SYNJ2: variants seen among roughly 807,000 people sequenced by gnomAD.
SYNJ2 encodes the protein polyphosphatidylinositol phosphatase SYNJ2.
A neutral mutation model predicts 141.3 loss-of-function variants in SYNJ2; 116 were observed. The ratio of observed to expected loss-of-function variants is 0.82; its 90% CI spans 0.71 to 0.96. The LOEUF (loss-of-function observed/expected upper bound fraction) is 0.96. Ranked by LOEUF, SYNJ2 falls within the 40% of genes least tolerant of loss-of-function variation. The probability of loss-of-function intolerance (pLI) is 0.00; values close to 1 mark genes in which losing one functional copy is unlikely to be tolerated. For synonymous variants in SYNJ2, 745 were observed against 777.7 expected (o/e 0.96, Z 0.70); for missense variants, 1,873 against 1,934.8 (o/e 0.97, Z 0.60).
chr6:158,017,148 A>G lies in SYNJ2; in HGVS notation c.128-56A>G, dbSNP rs963561821. On this transcript the variant is annotated intron_variant, in intron 1 of 26. Coordinates refer to ENST00000355585, the MANE Select transcript of SYNJ2 (RefSeq NM_003898.4). ...AGCTTGGCAAGCCGGGTGTGAATGA[A>G]CAGGAATGAGCAGGAGACGCTCGCT... 8.2e-6 allele frequency: 13 copies of G among 1,583,878 alleles called. No individual in the cohort carries two copies. The African/African-American group carries it at 1.1e-4, about 13-fold the overall frequency.
chr6:158,051,840 C>T (rs1043985370), intron 5 of SYNJ2, among the ~76,000 whole-genome samples: 2 of 151,490 alleles, frequency 1.3e-5, no homozygotes, highest in South Asian at 2.1e-4. Context: ...CTTGTAGTCC[C>T]GGCAACTTGG....
At chr6:158,015,511 G>T (rs763425917) in intron 1 of SYNJ2, among the ~76,000 whole-genome samples, 14 of 152,166 alleles carry the variant, frequency 9.2e-5, no homozygotes, top group Non-Finnish European at 2.1e-4. Flanking sequence ...CTGAAATGCA[G>T]CATTTCCTCT....
intron 4 of SYNJ2, among the ~76,000 whole-genome samples, chr6:158,037,877 G>T (rs1177111156): frequency 2.6e-5 from 4 of 152,268 alleles, no homozygotes; most frequent in African/African-American, 9.6e-5. Flanking sequence ...CTGTGGCCCT[G>T]TGAGAACTCT....
intron 4 of SYNJ2, among the ~76,000 whole-genome samples, chr6:158,039,440 C>T (rs1472027960): frequency 6.6e-6 from 1 of 152,230 alleles, no homozygotes; most frequent in Non-Finnish European, 1.5e-5. Context: ...GCAGGGGAAC[C>T]TGCCTGGGAC....
chr6:158,032,246 G>A (rs1475139023), intron 3 of SYNJ2, among the ~76,000 whole-genome samples: 4 of 152,190 alleles, frequency 2.6e-5, no homozygotes, highest in Non-Finnish European at 5.9e-5. Context: ...CTGAGAGCAG[G>A]AAGCTTGGAG....
chr6:158,009,279 C>T (rs1034694259), intron 1 of SYNJ2, among the ~76,000 whole-genome samples: 12 of 152,234 alleles, frequency 7.9e-5, no homozygotes, highest in East Asian at 1.9e-4. Flanking sequence ...GAGCAGCGCC[C>T]GCCTCTTCCT....
At chr6:157,981,763 G>A, upstream of SYNJ2, 1 of 398,738 alleles carries the variant, frequency 2.5e-6, no homozygotes, top group East Asian at 4.4e-5. This position sits in a 1 kb window ranked among gnomAD's most constrained non-coding sequence, Gnocchi z 6.4. Flanking sequence ...GCGGCGGCGC[G>A]CCCTCACCTG....
intron 6 of SYNJ2, among the ~76,000 whole-genome samples, chr6:158,055,447 G>A (rs1302284584): frequency 6.6e-6 from 1 of 151,894 alleles, no homozygotes; most frequent in African/African-American, 2.4e-5. Context: ...CACTCTCAGA[G>A]ATTTTACTAT....
intron 1 of SYNJ2, among the ~76,000 whole-genome samples, chr6:157,993,152 T>C (rs1777513314): frequency 6.6e-6 from 1 of 151,110 alleles, no homozygotes; most frequent in African/African-American, 2.4e-5. Flanking sequence ...CCACCAACTG[T>C]GTACAAGGGT....
chr6:158,072,011 C>T (rs934359004), intron 15 of SYNJ2, among the ~76,000 whole-genome samples: 2 of 152,208 alleles, frequency 1.3e-5, no homozygotes, highest in Admixed American at 6.5e-5. Context: ...TGCAGCATTT[C>T]CCGTTGCTGT....
intron 4 of SYNJ2, among the ~76,000 whole-genome samples, chr6:158,039,954 G>A (rs1779851882): frequency 6.6e-6 from 1 of 152,202 alleles, no homozygotes; most frequent in Non-Finnish European, 1.5e-5. Flanking sequence ...AGGCGGCTGT[G>A]CGGTCATCGT....
chr6:158,077,955 C>A, intron 17 of SYNJ2: 1 of 439,390 alleles, frequency 2.3e-6, no homozygotes, highest in South Asian at 2.5e-5. Context: ...ATGGTCATGA[C>A]TGTTTTGAAT....
chr6:158,074,586 A>C lies in SYNJ2; in HGVS notation c.2140A>C (p.Asn714His), dbSNP rs1239015478. The change falls in exon 16 of 27, where the codon AAT becomes CAT. Residue 714 changes from asparagine (N) to histidine (H), a missense_variant. By Grantham distance (68) the Asn-to-His change is moderately conservative (BLOSUM62 1). Transcript: ENST00000355585. ...GATTTTCTTTTCAACTTAGGGGAGA[A>C]ATGTTTTTTCTCATGATTATGTATT... The part of the protein sequence containing the change: ...TQKLCFPMGR[N>H]VFSHDYVFWC... 6.2e-7 allele frequency: 1 copy of C among 1,611,598 alleles called. No individual in the cohort carries two copies. The highest frequency in any genetic ancestry group is 1.7e-5 in the Admixed American group (1 of 59,638).
chr6:157,999,447 G>C (rs146111442), intron 1 of SYNJ2, among the ~76,000 whole-genome samples: 1 of 152,242 alleles, frequency 6.6e-6, no homozygotes. Flanking sequence ...GGTTGTCTCT[G>C]TACAGGCTCT....
intron 4 of SYNJ2, among the ~76,000 whole-genome samples, chr6:158,039,706 CT>C (rs891256913): frequency 2.8e-4 from 43 of 152,240 alleles, no homozygotes; most frequent in African/African-American, 1.0e-3. Flanking sequence ...TGGCCTCCCC[CT>C]CCACCTGACA....
chr6:158,036,562 T>C (rs1264617411), intron 4 of SYNJ2, among the ~76,000 whole-genome samples: 2 of 151,996 alleles, frequency 1.3e-5, no homozygotes, highest in African/African-American at 4.8e-5. Flanking sequence ...GGGAGCTAAA[T>C]GATGAGAACA....
At chr6:158,061,367 A>G (rs1781207580) in intron 7 of SYNJ2, among the ~76,000 whole-genome samples, 1 of 152,134 alleles carries the variant, frequency 6.6e-6, no homozygotes, top group East Asian at 1.9e-4. Flanking sequence ...CCTCATATGG[A>G]AGGGAGGGCT....
In SYNJ2 at chr6:157,981,983, CGGCTGCTGG is replaced by C. The variant is rs1777028859; in HGVS notation, c.26_34del (p.Leu9_Gly11del). 2.4e-6 allele frequency: 3 copies of C among 1,273,664 alleles called. No individual in the cohort carries two copies. The highest frequency in any genetic ancestry group is 3.0e-6 in the Non-Finnish European group (3 of 1,010,370). The allele number at this position is 1,273,664 out of a possible 1,614,324, so 78.9% of individuals were successfully genotyped here. On this transcript the variant is annotated inframe_deletion, in exon 1 of 27. Transcript: ENST00000355585. This position sits in a 1 kb window ranked among gnomAD's most constrained non-coding sequence, Gnocchi z 6.4. ...CCTCATGGCCCTGAGCAAAGGGCTG[CGGCTGCTGG>C]GGCGCCTGGGGGCCGAGGGGGACTG...
intron 2 of SYNJ2, among the ~76,000 whole-genome samples, chr6:158,025,558 G>T (rs1386757780): frequency 6.6e-6 from 1 of 152,020 alleles, no homozygotes; most frequent in Non-Finnish European, 1.5e-5. Context: ...AACTCGGGAG[G>T]CTGAGGCAAG....
Sources: allele counts gnomAD v4.1 joint callset (sites outside exome capture counted in the v4.1 genomes callset), GRCh38; gene constraint gnomAD v4.1.1; non-coding constraint Gnocchi (gnomAD v3.1); transcripts MANE v1.5; gene names NCBI Gene and HGNC (gene_info 2026-07-23, HGNC 2026-07-21).